IGLL5: variants seen among roughly 807,000 people sequenced by gnomAD.
IGLL5 encodes immunoglobulin lambda like polypeptide 5.
IGLL5 carries 30 observed loss-of-function variants against 20.9 expected under a neutral mutation model. The observed-to-expected ratio is 1.44, with a 90% CI of 1.07 to 1.95. The LOEUF is 1.95. IGLL5 is among the 30% of genes most tolerant of loss of function. IGLL5 has a pLI of 0.00. For missense variants in IGLL5, 475 were observed against 270.7 expected (o/e 1.75, Z -5.30); for synonymous variants, 203 against 117.3 (o/e 1.73, Z -4.72).
intron 1 of IGLL5, among the ~76,000 whole-genome samples, chr22:22,889,219 T>G (rs1309938015): frequency 6.6e-6 from 1 of 150,922 alleles, no homozygotes. Context: ...AAGCCGTGCC[T>G]TGGGGATGGG....
intron 2 of IGLL5, 67 bp from the exon 3 acceptor site, chr22:22,895,308 A>G (rs1316977634): frequency 1.5e-5 from 22 of 1,442,114 alleles, no homozygotes; most frequent in Non-Finnish European, 2.0e-5. Flanking sequence ...CTTTAGACAG[A>G]GAGAGGGGCT....
rs557662662 is a variant in IGLL5, at chr22:22,888,136, T to G, written c.83T>G (p.Leu28Arg). Residue 28 changes from leucine to arginine, a missense_variant, in exon 1 of 3, where the codon CTG becomes CGG. Physicochemically the swap from Leu to Arg is moderately radical, Grantham distance 102 (BLOSUM62 -2). Coordinates refer to ENST00000526893, the MANE Select transcript of IGLL5 (RefSeq NM_001178126.2). ...PGPRQRWPLL[L>R]LGLAMVAHGL... ...CCCAGGCAGCGCTGGCCCCTGCTGC[T>G]GCTGGGTCTGGCCATGGTCGCCCAT... 17 of 1,549,752 alleles carry G rather than the reference T, an allele frequency of 1.1e-5. No individual in the cohort carries two copies. In the Admixed American group the frequency reaches 2.2e-4, roughly 20 times the overall value.
chr22:22,893,556 T>TG, intron 1 of IGLL5, 144 bp from the exon 2 acceptor site: 1 of 582,988 alleles, frequency 1.7e-6, no homozygotes, highest in Non-Finnish European at 3.1e-6. Flanking sequence ...AGACACACAC[T>TG]GGGGTAACTC....
chr22:22,894,566 C>T (rs2066668430), intron 2 of IGLL5, among the ~76,000 whole-genome samples: 1 of 151,408 alleles, frequency 6.6e-6, no homozygotes, highest in Admixed American at 6.6e-5. Flanking sequence ...CTCCTGCCTT[C>T]CTCAAAGGGC....
intron 2 of IGLL5, among the ~76,000 whole-genome samples, chr22:22,895,055 G>C (rs2146050326): frequency 6.6e-6 from 1 of 151,506 alleles, no homozygotes; most frequent in South Asian, 2.1e-4. Context: ...GTCAAGGCCA[G>C]ATTCTAAACT....
Position 22,888,089 on chromosome 22 carries a change from C to G in IGLL5, c.36C>G (p.Thr12=). 1 of 1,549,296 alleles carries G rather than the reference C, an allele frequency of 6.5e-7. No homozygotes were observed. Among genetic ancestry groups the G allele is most frequent in the Non-Finnish European group, 8.7e-7 (1 of 1,146,574 alleles). The change falls in exon 1 of 3, where the codon ACC becomes ACG. Residue 12 remains threonine (T), a synonymous_variant. Coordinates refer to ENST00000526893, the MANE Select transcript of IGLL5 (RefSeq NM_001178126.2). ...RPKTGQVGCE[T]PEELGPGPRQ... is the part of the protein sequence containing the mutation. ...AGACAGGCCAAGTGGGTTGTGAGAC[C>G]CCTGAGGAGCTGGGCCCTGGTCCCA...
At chr22:22,889,532 A>G (rs2067729879) in intron 1 of IGLL5, among the ~76,000 whole-genome samples, 2 of 151,292 alleles carry the variant, frequency 1.3e-5, no homozygotes, top group Admixed American at 1.3e-4. Flanking sequence ...AGAAAACTGG[A>G]AAAAATCCAA....
intron 1 of IGLL5, among the ~76,000 whole-genome samples, chr22:22,889,110 G>A (rs56202521): frequency 2.0e-5 from 3 of 151,174 alleles, no homozygotes; most frequent in East Asian, 2.0e-4. Context: ...TGTGTTTTTG[G>A]AAAAATCAGC....
rs1337806463 is a variant in IGLL5, at chr22:22,887,902, G to C, written c.-152G>C. On this transcript the variant is annotated 5_prime_UTR_variant, in exon 1 of 3. Coordinates refer to ENST00000526893, the MANE Select transcript of IGLL5 (RefSeq NM_001178126.2). The stretch of plus-strand genomic sequence containing the variant: ...ATGGACCCTGGAAGGGCCTGGGCTA[G>C]GGACAGGGACCAGAGCCAGTCCAGG... 1.4e-6 allele frequency: 1 copy of C among 706,150 alleles called. No individual in the cohort carries two copies. The highest frequency in any genetic ancestry group is 2.5e-6 in the Non-Finnish European group (1 of 392,292). The allele number at this position is 706,150 out of a possible 1,614,324, so 43.7% of individuals were successfully genotyped here.
In IGLL5 at chr22:22,888,237, A is replaced by G. The variant is rs762794322; in HGVS notation, c.184A>G (p.Ser62Gly). 5.2e-6 allele frequency: 8 copies of G among 1,547,862 alleles called. No individual in the cohort carries two copies. Among genetic ancestry groups the G allele is most frequent in the Admixed American group, 2.0e-5 (1 of 50,786 alleles). Residue 62 changes from serine (S) to glycine (G), a missense_variant, in exon 1 of 3, where the codon AGC (serine) becomes GGC (glycine). By Grantham distance (56) the Ser-to-Gly change is moderately conservative. Coordinates refer to ENST00000526893, the MANE Select transcript of IGLL5 (RefSeq NM_001178126.2). The stretch of plus-strand genomic sequence containing the variant: ...AGCCTCAGTTGGAAGCAGCCGATCC[A>G]GCCTGCGGAGCCTGTGGGGCAGGTA... The part of the protein sequence containing the change: ...PGASVGSSRS[S>G]LRSLWGRLLL...
At position 22,894,691 on chromosome 22, in the gene IGLL5, T is replaced by C. The variant is rs2066683055; in HGVS notation, c.326-684T>C. 1.3e-5 allele frequency among the ~76,000 whole-genome samples: 2 copies of C among 151,278 alleles called. 1 individual carries two copies. Among genetic ancestry groups the C allele is most frequent in the Non-Finnish European group, 2.9e-5 (2 of 67,844 alleles). On this transcript the variant is annotated intron_variant, in intron 2 of 2. Coordinates refer to ENST00000526893, the MANE Select transcript of IGLL5 (RefSeq NM_001178126.2). ...CTGCTGGGGTGGGCCTGGGGGCTGC[T>C]GAGTCTCATAGTCTGTGGGAGCAGC...
chr22:22,892,079 T>G (rs2146018703), intron 1 of IGLL5, among the ~76,000 whole-genome samples: 1 of 151,396 alleles, frequency 6.6e-6, no homozygotes, highest in South Asian at 2.1e-4. Flanking sequence ...AACCTTGCCT[T>G]GTTTCTGATT....
At chr22:22,894,588 A>T (rs572559331) in intron 2 of IGLL5, among the ~76,000 whole-genome samples, 1 of 151,470 alleles carries the variant, frequency 6.6e-6, no homozygotes, top group East Asian at 2.0e-4. Flanking sequence ...TGTTAGACTC[A>T]GGAAATGACC....
chr22:22,894,469 A>G (rs1601626713), intron 2 of IGLL5, among the ~76,000 whole-genome samples: 6 of 151,504 alleles, frequency 4.0e-5, no homozygotes, highest in Admixed American at 2.0e-4. Context: ...GTCACCAGAA[A>G]GGAGACAGTC....
intron 1 of IGLL5, among the ~76,000 whole-genome samples, chr22:22,892,887 G>C (rs2067892758): frequency 6.6e-6 from 1 of 150,830 alleles, no homozygotes; most frequent in African/African-American, 2.4e-5. Context: ...GGAGGAGAGG[G>C]GGCAGTCTCA....
At chr22:22,889,469 T>C (rs929093839) in intron 1 of IGLL5, among the ~76,000 whole-genome samples, 3 of 151,364 alleles carry the variant, frequency 2.0e-5, no homozygotes, top group South Asian at 2.1e-4. Flanking sequence ...TAATCAAAGC[T>C]GTAACCAAAT....
chr22:22,895,338 T>C, intron 2 of IGLL5, 37 bp from the exon 3 acceptor site: 1 of 1,583,758 alleles, frequency 6.3e-7, no homozygotes, highest in Non-Finnish European at 8.7e-7. Context: ...CCCGGTATTC[T>C]GTCTGCCCTC....
In IGLL5 at chr22:22,895,995, C is replaced by A; in HGVS notation, c.*301C>A. 1 of 541,590 alleles carries A rather than the reference C, an allele frequency of 1.8e-6. No individual in the cohort carries two copies. Among genetic ancestry groups the A allele is most frequent in the Admixed American group, 3.1e-5 (1 of 31,758 alleles). 33.5% of individuals were successfully genotyped at this position (541,590 alleles called of 1,614,324 possible). A position where few individuals can be genotyped will look rare whatever the true frequency, so the allele number is the denominator to read the frequency against. ...CCCAGAGGGTCCTTCCTCTCCCAGT[C>A]ACCCCTTCTCCAACTCTCCACTGTA... On this transcript the variant is annotated 3_prime_UTR_variant, in exon 3 of 3. Coordinates refer to ENST00000526893, the MANE Select transcript of IGLL5 (RefSeq NM_001178126.2).
intron 1 of IGLL5, among the ~76,000 whole-genome samples, chr22:22,888,945 G>C (rs2067667734): frequency 1.3e-5 from 2 of 151,400 alleles, no homozygotes; most frequent in East Asian, 2.0e-4. Context: ...CCAAAAGACA[G>C]AGCAGCGTCA....
Sources: allele counts gnomAD v4.1 joint callset (sites outside exome capture counted in the v4.1 genomes callset), GRCh38; gene constraint gnomAD v4.1.1; transcripts MANE v1.5; gene names NCBI Gene and HGNC (gene_info 2026-07-23, HGNC 2026-07-21).